Variants in GLIS3 observed in about 807,000 individuals in gnomAD.
GLIS3 encodes the protein GLIS family zinc finger 3, also known as zinc finger protein GLIS3.
GLIS3 carries 53 observed loss-of-function variants against 78.6 expected under a neutral mutation model. The observed-to-expected ratio is 0.67, with a 90% CI of 0.54 to 0.85. The LOEUF (loss-of-function observed/expected upper bound fraction) is 0.85. Ranked by LOEUF, GLIS3 falls within the 40% of genes least tolerant of loss-of-function variation. The pLI is 0.00. For synonymous variants in GLIS3, 684 were observed against 509.9 expected (o/e 1.34, Z -4.60); for missense variants, 1,703 against 1,231.1 (o/e 1.38, Z -5.74).
chr9:4,058,498 C>T (rs1264798101), intron 4 of GLIS3, among the ~76,000 whole-genome samples: 1 of 151,376 alleles, frequency 6.6e-6, no homozygotes, highest in African/African-American at 2.4e-5. Flanking sequence ...CCATCTATTC[C>T]TGCATGTTAT....
intron 8 of GLIS3, among the ~76,000 whole-genome samples, chr9:3,877,777 T>C (rs1487710425): frequency 6.6e-6 from 1 of 152,010 alleles, no homozygotes; most frequent in African/African-American, 2.4e-5. Context: ...AGTAACCATA[T>C]TGCTCACAAG....
At chr9:4,216,342 G>A (rs1211863700) in intron 2 of GLIS3, among the ~76,000 whole-genome samples, 3 of 151,892 alleles carry the variant, frequency 2.0e-5, no homozygotes, top group Non-Finnish European at 4.4e-5. Flanking sequence ...GCGTGGTGGC[G>A]GGTGCCTGTA....
At chr9:4,389,449 T>C in the GLIS3 span, among the ~76,000 whole-genome samples, 3 of 152,166 alleles carry the variant, frequency 2.0e-5, no homozygotes, top group African/African-American at 7.2e-5. Flanking sequence ...GCACAGTGCA[T>C]AGAGCCACGT....
At chr9:4,373,919 G>A in the GLIS3 span, among the ~76,000 whole-genome samples, 1 of 152,092 alleles carries the variant, frequency 6.6e-6, no homozygotes, top group African/African-American at 2.4e-5. Flanking sequence ...GCCTGCCTCG[G>A]CCTCCCACAG....
At chr9:4,070,397 T>C (rs1478212070) in intron 4 of GLIS3, among the ~76,000 whole-genome samples, 1 of 152,150 alleles carries the variant, frequency 6.6e-6, no homozygotes, top group African/African-American at 2.4e-5. Context: ...CTCTCAGACA[T>C]GTAATAAGGC....
the GLIS3 span, among the ~76,000 whole-genome samples, chr9:4,375,203 G>C: frequency 5.9e-5 from 9 of 152,284 alleles, no homozygotes; most frequent in African/African-American, 1.7e-4. Flanking sequence ...GTTCAAAAGA[G>C]GTTTGAAGGG....
chr9:4,190,854 C>T (rs1253940991), intron 2 of GLIS3, among the ~76,000 whole-genome samples: 1 of 152,150 alleles, frequency 6.6e-6, no homozygotes, highest in Admixed American at 6.5e-5. Context: ...AGTCTACAAG[C>T]CAGAAGACAG....
intron 4 of GLIS3, among the ~76,000 whole-genome samples, chr9:4,111,398 C>T (rs1831197861): frequency 6.6e-6 from 1 of 152,068 alleles, no homozygotes; most frequent in South Asian, 2.1e-4. Flanking sequence ...AAATGTTTGC[C>T]CAAATCTGCT....
At chr9:4,249,296 T>C (rs1056371398) in intron 2 of GLIS3, among the ~76,000 whole-genome samples, 2 of 152,190 alleles carry the variant, frequency 1.3e-5, no homozygotes, top group Non-Finnish European at 2.9e-5. Context: ...CTCTTATTTC[T>C]TTGAGCAGTG....
chr9:4,474,622 T>TTG, the GLIS3 span, among the ~76,000 whole-genome samples: 1 of 152,178 alleles, frequency 6.6e-6, no homozygotes, highest in African/African-American at 2.4e-5. Context: ...TATAATATCT[T>TTG]CATACCTTTG....
At chr9:4,308,223 A>C (rs1817278638) in intron 4 of GLIS3, among the ~76,000 whole-genome samples, 1 of 152,096 alleles carries the variant, frequency 6.6e-6, no homozygotes, top group South Asian at 2.1e-4. Context: ...GGCACTGTGA[A>C]GTGAAAGGAC....
At chr9:4,416,169 T>C in the GLIS3 span, among the ~76,000 whole-genome samples, 1 of 144,936 alleles carries the variant, frequency 6.9e-6, no homozygotes, top group Non-Finnish European at 1.5e-5. Flanking sequence ...AGAGGATCGC[T>C]TGAGCCCAGG....
chr9:4,315,899 C>A (rs562781487), intron 2 of GLIS3, among the ~76,000 whole-genome samples: 29 of 152,266 alleles, frequency 1.9e-4, no homozygotes, highest in African/African-American at 7.0e-4. Flanking sequence ...GAGCAGATAT[C>A]TCGTATTACC....
At chr9:4,162,595 C>A (rs568696256) in intron 2 of GLIS3, among the ~76,000 whole-genome samples, 1 of 152,298 alleles carries the variant, frequency 6.6e-6, no homozygotes, top group South Asian at 2.1e-4. Flanking sequence ...TGCGGTGGCT[C>A]ACGCCTGTAA....
In GLIS3 at chr9:3,828,141, G is replaced by C; in HGVS notation, c.*131C>G. ...TGCCATTCAGTCCTGCCTTCTGAAA[G>C]AACATCAGTAACTCTGCAGGGCCCG... On this transcript the variant is annotated 3_prime_UTR_variant, in exon 11 of 11. Transcript: ENST00000381971. 9.7e-7 allele frequency: 1 copy of C among 1,030,544 alleles called. No homozygotes were observed. Among genetic ancestry groups the C allele is most frequent in the Non-Finnish European group, 1.5e-6 (1 of 670,966 alleles). The allele number at this position is 1,030,544 out of a possible 1,614,324, so 63.8% of individuals were successfully genotyped here. A position where few individuals can be genotyped will look rare whatever the true frequency, so the allele number is the denominator to read the frequency against.
At chr9:4,238,662 T>C (rs1203527670) in intron 2 of GLIS3, among the ~76,000 whole-genome samples, 1 of 152,168 alleles carries the variant, frequency 6.6e-6, no homozygotes, top group Non-Finnish European at 1.5e-5. Context: ...AAACAAAATT[T>C]ACTGAGCACA....
At chr9:4,338,649 G>C (rs1332376526) in intron 2 of GLIS3, among the ~76,000 whole-genome samples, 1 of 152,150 alleles carries the variant, frequency 6.6e-6, no homozygotes, top group Non-Finnish European at 1.5e-5. Context: ...ATGAAGTTTG[G>C]GGACAGACCC....
intron 2 of GLIS3, among the ~76,000 whole-genome samples, chr9:4,139,516 T>C (rs1182333058): frequency 6.6e-6 from 1 of 152,196 alleles, no homozygotes; most frequent in African/African-American, 2.4e-5. Context: ...ATATTACTCG[T>C]TCGCCCCCTC....
the GLIS3 span, among the ~76,000 whole-genome samples, chr9:4,411,118 T>C: frequency 2.4e-4 from 36 of 152,234 alleles, no homozygotes; most frequent in African/African-American, 8.7e-4. Flanking sequence ...TGAAGCCATA[T>C]TGTCAAAACT....
Sources: allele counts gnomAD v4.1 joint callset (sites outside exome capture counted in the v4.1 genomes callset), GRCh38; gene constraint gnomAD v4.1.1; transcripts MANE v1.5; gene names NCBI Gene and HGNC (gene_info 2026-07-23, HGNC 2026-07-21).